The following GALM variants were observed in gnomAD, a reference collection of about 807,000 sequenced individuals.
The protein encoded by GALM is aldose 1-epimerase.
In GALM, 43 loss-of-function variants were observed where a neutral mutation model predicts 37.4. The ratio of observed to expected loss-of-function variants is 1.15; its 90% confidence interval spans 0.90 to 1.48. The LOEUF (loss-of-function observed/expected upper bound fraction) is 1.48, where lower values mean the gene tolerates loss of function less well. GALM is among the 40% of genes most tolerant of loss of function. GALM has a pLI of 0.00. For missense variants in GALM, 456 were observed against 419.1 expected (o/e 1.09, Z -0.77); for synonymous variants, 199 against 170.6 (o/e 1.17, Z -1.30).
At chr2:38,674,949 C>A (rs1006281404) in intron 1 of GALM, among the ~76,000 whole-genome samples, 1 of 152,122 alleles carries the variant, frequency 6.6e-6, no homozygotes, top group Non-Finnish European at 1.5e-5. Context: ...CCGAGTTGGG[C>A]AGATCACCTG....
At chr2:38,688,141 G>A (rs1460606419) in intron 3 of GALM, among the ~76,000 whole-genome samples, 4 of 151,912 alleles carry the variant, frequency 2.6e-5, no homozygotes, top group Non-Finnish European at 5.9e-5. Context: ...GAACCTGGGA[G>A]GCAGAGACTG....
At chr2:38,704,675 T>TAA (rs533221498) in intron 4 of GALM, among the ~76,000 whole-genome samples, 1 of 140,376 alleles carries the variant, frequency 7.1e-6, no homozygotes. Flanking sequence ...CTGTCTCCAT[T>TAA]AAAAAAAAAA....
At chr2:38,702,932 TTA>T (rs202010853) in intron 4 of GALM, among the ~76,000 whole-genome samples, 11,425 of 134,728 alleles carry the variant, frequency 0.085, 714 homozygotes, top group East Asian at 0.33. Context: ...TATATACTTT[TTA>T]TATATATATA....
intron 1 of GALM, among the ~76,000 whole-genome samples, chr2:38,667,515 A>G (rs767250743): frequency 1.3e-5 from 2 of 152,196 alleles, no homozygotes; most frequent in Admixed American, 6.5e-5. Flanking sequence ...GGTTGCAGTG[A>G]GCCAAGATTG....
chr2:38,722,052 C>CCCCCA (rs1666391057), intron 4 of GALM, among the ~76,000 whole-genome samples: 2 of 121,570 alleles, frequency 1.6e-5, no homozygotes, highest in Non-Finnish European at 3.6e-5. Flanking sequence ...CCCCCCCCCC[C>CCCCCA]ACCTAGAACA....
Position 38,666,118 on chromosome 2 carries a change from G to T in GALM, c.-44G>T, listed in dbSNP as rs368492755. The T allele has an allele frequency of 1.3e-6, 2 of 1,557,802 alleles. No homozygotes were observed. The highest frequency in any genetic ancestry group is 4.5e-5 in the East Asian group (2 of 43,962). On this transcript the variant is annotated 5_prime_UTR_variant, in exon 1 of 7. Coordinates refer to ENST00000272252, the MANE Select transcript of GALM (RefSeq NM_138801.3). Reference sequence around the variant, plus strand: ...GTCGCCTCTAGCTTAGCGAGCGCTGGAGTTTGAAGAGCGGGCAGTGGCTGC... The same window carrying T: ...GTCGCCTCTAGCTTAGCGAGCGCTGTAGTTTGAAGAGCGGGCAGTGGCTGC...
At chr2:38,693,813 A>G (rs925918019) in intron 4 of GALM, among the ~76,000 whole-genome samples, 1 of 152,236 alleles carries the variant, frequency 6.6e-6, no homozygotes, top group Non-Finnish European at 1.5e-5. Flanking sequence ...GCCGGGATTC[A>G]CACCAAGGTA....
At chr2:38,691,554 C>T (rs1429115799) in intron 4 of GALM, among the ~76,000 whole-genome samples, 2 of 151,816 alleles carry the variant, frequency 1.3e-5, no homozygotes, top group African/African-American at 4.8e-5. Context: ...TGTGGTAACA[C>T]GCACCTGGGG....
intron 4 of GALM, among the ~76,000 whole-genome samples, chr2:38,703,069 TATATATATATATATATATATATA>T (rs1219471355): frequency 0.022 from 130 of 5,812 alleles, 1 homozygote; most frequent in East Asian, 0.17. Flanking sequence ...TATATATATA[TATATATATATATATATATATATA>T]TTTTTTTTTT....
chr2:38,733,624 GA>G lies in GALM; in HGVS notation c.*65del. 4 of 1,191,574 alleles carry G rather than the reference GA, an allele frequency of 3.4e-6. No homozygotes were observed. Among genetic ancestry groups the G allele is most frequent in the Non-Finnish European group, 5.0e-6 (4 of 797,560 alleles). 73.8% of individuals were successfully genotyped at this position (1,191,574 alleles called of 1,614,324 possible). A position where few individuals can be genotyped will look rare whatever the true frequency, so the allele number is the denominator to read the frequency against. ...GGCTCAGCCACCTGTCTCCTGTCCA[GA>G]AAAAAGGTGAAGATTAAGAAGCTTT... On this transcript the variant is annotated 3_prime_UTR_variant, in exon 7 of 7. Coordinates refer to ENST00000272252, the MANE Select transcript of GALM (RefSeq NM_138801.3).
intron 4 of GALM, among the ~76,000 whole-genome samples, chr2:38,707,117 G>A (rs1340622283): frequency 1.3e-5 from 2 of 151,450 alleles, no homozygotes; most frequent in Admixed American, 1.3e-4. Context: ...GAGCTGGCAT[G>A]GGGGGCTGGG....
chr2:38,693,039 G>A (rs555129059), intron 4 of GALM, among the ~76,000 whole-genome samples: 5 of 152,258 alleles, frequency 3.3e-5, no homozygotes, highest in African/African-American at 9.6e-5. Context: ...TCCCTAGGGT[G>A]GCCCTGGGTG....
chr2:38,702,342 T>A (rs942803262), intron 4 of GALM, among the ~76,000 whole-genome samples: 2 of 151,936 alleles, frequency 1.3e-5, no homozygotes, highest in Non-Finnish European at 2.9e-5. Context: ...AATAAAAATT[T>A]AAAAATTTTA....
chr2:38,675,427 A>T (rs1665219779), intron 1 of GALM, among the ~76,000 whole-genome samples: 1 of 151,828 alleles, frequency 6.6e-6, no homozygotes, highest in African/African-American at 2.4e-5. Context: ...TGATTCAGTG[A>T]GGACTTTGAC....
At chr2:38,676,562 A>G (rs893126114) in intron 2 of GALM, among the ~76,000 whole-genome samples, 3 of 152,206 alleles carry the variant, frequency 2.0e-5, no homozygotes, top group African/African-American at 7.2e-5. Flanking sequence ...CAGGAGTTTA[A>G]GACCAGCCTG....
At chr2:38,694,905 A>C (rs1458769646) in intron 4 of GALM, among the ~76,000 whole-genome samples, 2 of 151,110 alleles carry the variant, frequency 1.3e-5, no homozygotes, top group Non-Finnish European at 3.0e-5. Flanking sequence ...TCAAAAAAAA[A>C]AAAAAAACAA....
intron 4 of GALM, among the ~76,000 whole-genome samples, chr2:38,693,851 G>C (rs1188865689): frequency 6.6e-6 from 1 of 152,178 alleles, no homozygotes; most frequent in Non-Finnish European, 1.5e-5. Context: ...AGGCTCTTAA[G>C]TAGACCTGCA....
chr2:38,733,357 A>G (rs964017974), intron 6 of GALM, 131 bp from the exon 7 acceptor site: 6 of 789,672 alleles, frequency 7.6e-6, no homozygotes, highest in East Asian at 4.9e-5. Context: ...CTATGAACCA[A>G]TCATAAACAG....
At chr2:38,719,331 G>A (rs1321244619) in intron 4 of GALM, among the ~76,000 whole-genome samples, 2 of 151,642 alleles carry the variant, frequency 1.3e-5, no homozygotes, top group African/African-American at 2.4e-5. Context: ...TTAGCCAGGC[G>A]TGGTGGCAGG....
Sources: allele counts gnomAD v4.1 joint callset (sites outside exome capture counted in the v4.1 genomes callset), GRCh38; gene constraint gnomAD v4.1.1; transcripts MANE v1.5; gene names NCBI Gene and HGNC (gene_info 2026-07-23, HGNC 2026-07-21).